The following CYFIP1 variants were observed in gnomAD, a reference collection of about 807,000 sequenced individuals.
CYFIP1 encodes cytoplasmic FMR1 interacting protein 1.
In CYFIP1, 58 loss-of-function variants were observed where a neutral mutation model predicts 163.5. The observed-to-expected ratio is 0.35, with a 90% CI of 0.29 to 0.44. The LOEUF (loss-of-function observed/expected upper bound fraction) is 0.44, where lower values mean the gene tolerates loss of function less well. Among genes scored for constraint, CYFIP1 ranks in the 20% least tolerant of loss-of-function variants. CYFIP1 has a pLI of 1.00. For synonymous variants in CYFIP1, 663 were observed against 660.7 expected (o/e 1.00, Z -0.05); for missense variants, 1,338 against 1,653.8 (o/e 0.81, Z 3.31).
At position 22,869,967 on chromosome 15, in the gene CYFIP1, A is replaced by G; in HGVS notation, c.*61T>C. ...CTGAAAAATAGTCCCTAAAAATCTC[A>G]CTAAATAGTTTACGGAGAGAAAGGC... On this transcript the variant is annotated 3_prime_UTR_variant, in exon 31 of 31. Transcript: ENST00000617928. 1 of 1,457,476 alleles carries G rather than the reference A, an allele frequency of 6.9e-7. No homozygotes were observed. Among genetic ancestry groups the G allele is most frequent in the Non-Finnish European group, 9.1e-7 (1 of 1,098,614 alleles). The allele number at this position is 1,457,476 out of a possible 1,614,324, so 90.3% of individuals were successfully genotyped here. A position where few individuals can be genotyped will look rare whatever the true frequency, so the allele number is the denominator to read the frequency against.
intron 3 of CYFIP1, chr15:22,946,649 AG>A: frequency 5.3e-6 from 2 of 374,882 alleles, no homozygotes; most frequent in Non-Finnish European, 1.0e-5. Flanking sequence ...TCAAAAAAAA[AG>A]CAGAACTATA....
intron 1 of CYFIP1, among the ~76,000 whole-genome samples, chr15:22,950,033 A>G (rs1220793496): frequency 6.6e-6 from 1 of 152,232 alleles, no homozygotes; most frequent in Non-Finnish European, 1.5e-5. Context: ...CATATAATTT[A>G]GAATAAATTA....
At chr15:22,909,389 A>T in intron 20 of CYFIP1, 76 bp from the exon 21 acceptor site, 1 of 1,571,870 alleles carries the variant, frequency 6.4e-7, no homozygotes, top group Non-Finnish European at 8.7e-7. Flanking sequence ...CTCACCAGAG[A>T]CCCTGGAGAA....
rs537453841 is a variant in CYFIP1, at chr15:22,954,205, G to A, written c.-6-6914C>T. ...AGGCACAGAGGGAAGACCACGAGAGGACACAGAGAGAAGGTGGCCATTCAC... is the reference window on the plus strand; with the variant it reads ...AGGCACAGAGGGAAGACCACGAGAGAACACAGAGAGAAGGTGGCCATTCAC... On this transcript the variant is annotated intron_variant, in intron 1 of 30. Coordinates refer to ENST00000617928, the MANE Select transcript of CYFIP1 (RefSeq NM_014608.6). Among the ~76,000 whole-genome samples the A allele has an allele frequency of 1.6e-4, 24 of 152,244 alleles. No individual in the cohort carries two copies. The South Asian group carries it at 4.6e-3, about 29-fold the overall frequency.
intron 1 of CYFIP1, among the ~76,000 whole-genome samples, chr15:22,955,762 C>A (rs2062426474): frequency 6.6e-6 from 1 of 152,182 alleles, no homozygotes; most frequent in Admixed American, 6.5e-5. Flanking sequence ...TCAGCCAGTG[C>A]CTCCCCATGC....
rs764718836 is a variant in CYFIP1 at position 22,917,195 on chromosome 15, C to T, written c.1675-565G>A. On this transcript the variant is annotated intron_variant, in intron 15 of 30. Transcript: ENST00000617928. This position sits in a 1 kb window ranked among gnomAD's most constrained non-coding sequence, Gnocchi z 4.2. ...CCTGACCCTCCTGCAGAGCCAGCAG[C>T]GTGCATTGCTGGTGACTTTCCAGAA... is the stretch of plus-strand genomic sequence containing the variant. 4.9e-6 allele frequency: 7 copies of T among 1,420,960 alleles called. No homozygotes were observed. In the Admixed American group the frequency reaches 1.5e-4, roughly 31 times the overall value. The allele number at this position is 1,420,960 out of a possible 1,614,324, so 88.0% of individuals were successfully genotyped here. A position where few individuals can be genotyped will look rare whatever the true frequency, so the allele number is the denominator to read the frequency against.
chr15:22,891,015 C>T (rs1467006981), intron 23 of CYFIP1, among the ~76,000 whole-genome samples: 1 of 152,112 alleles, frequency 6.6e-6, no homozygotes, highest in African/African-American at 2.4e-5. Flanking sequence ...CACCTTTAAC[C>T]TTGTCTTTGT....
chr15:22,875,813 C>T (rs1480444818), intron 26 of CYFIP1, among the ~76,000 whole-genome samples: 1 of 149,132 alleles, frequency 6.7e-6, no homozygotes, highest in Non-Finnish European at 1.5e-5. Context: ...GCCATCATGC[C>T]GAACTGCTCT....
At chr15:22,922,410 G>A (rs1309980718) in intron 13 of CYFIP1, among the ~76,000 whole-genome samples, 4 of 152,226 alleles carry the variant, frequency 2.6e-5, no homozygotes, top group East Asian at 1.9e-4. Flanking sequence ...AAATAAGCAC[G>A]TCCCGTGCAA....
intron 26 of CYFIP1, among the ~76,000 whole-genome samples, chr15:22,877,386 TAA>T (rs2059616385): frequency 6.6e-6 from 1 of 152,128 alleles, no homozygotes; most frequent in African/African-American, 2.4e-5. Flanking sequence ...CTTTTCTTTA[TAA>T]ATTACTCAGT....
chr15:22,913,598 A>G (rs1595583890), intron 17 of CYFIP1, among the ~76,000 whole-genome samples: 1 of 135,046 alleles, frequency 7.4e-6, no homozygotes, highest in Admixed American at 8.5e-5. Context: ...AAGTACATAG[A>G]CAGCATTAAA....
intron 8 of CYFIP1, among the ~76,000 whole-genome samples, chr15:22,938,610 T>TA (rs530408354): frequency 2.3e-4 from 34 of 145,780 alleles, no homozygotes; most frequent in East Asian, 1.2e-3. Context: ...GTCTCAAAAA[T>TA]AAAAAAAAAA....
chr15:22,957,573 T>C (rs948775936), intron 1 of CYFIP1, among the ~76,000 whole-genome samples: 4 of 152,170 alleles, frequency 2.6e-5, no homozygotes, highest in South Asian at 4.1e-4. Flanking sequence ...GAGGCGGAGC[T>C]TGCAGTGAGC....
At chr15:22,889,579 C>T (rs1208660456) in intron 23 of CYFIP1, among the ~76,000 whole-genome samples, 1 of 152,158 alleles carries the variant, frequency 6.6e-6, no homozygotes, top group Non-Finnish European at 1.5e-5. Flanking sequence ...TTCCAGGACT[C>T]GATCCATCAG....
chr15:22,887,509 T>C (rs1355696135), intron 23 of CYFIP1, among the ~76,000 whole-genome samples: 4 of 152,216 alleles, frequency 2.6e-5, no homozygotes, highest in Non-Finnish European at 5.9e-5. Flanking sequence ...TGAAATCTAA[T>C]GACCTCATGT....
chr15:22,913,071 C>A (rs1455276421), intron 17 of CYFIP1, among the ~76,000 whole-genome samples: 1 of 152,082 alleles, frequency 6.6e-6, no homozygotes, highest in African/African-American at 2.4e-5. Context: ...TGGCGCATGC[C>A]TGTAGTCCCA....
At chr15:22,916,885 C>T in intron 15 of CYFIP1, 4 of 1,551,880 alleles carry the variant, frequency 2.6e-6, no homozygotes, top group Non-Finnish European at 3.5e-6. Flanking sequence ...GTCTTACCAC[C>T]AAAGGTTAAA....
chr15:22,953,380 G>A (rs1158287717), intron 1 of CYFIP1, among the ~76,000 whole-genome samples: 1 of 152,114 alleles, frequency 6.6e-6, no homozygotes, highest in African/African-American at 2.4e-5. Flanking sequence ...TGCCACCAGC[G>A]GACCCTGCAC....
chr15:22,939,163 G>A (rs371585952), intron 8 of CYFIP1, 29 bp downstream of exon 8: 2 of 1,613,518 alleles, frequency 1.2e-6, no homozygotes, highest in Non-Finnish European at 8.5e-7. Context: ...CCTCGGCAGT[G>A]CCACGGGCTA....
Sources: allele counts gnomAD v4.1 joint callset (sites outside exome capture counted in the v4.1 genomes callset), GRCh38; gene constraint gnomAD v4.1.1; non-coding constraint Gnocchi (gnomAD v3.1); transcripts MANE v1.5; gene names NCBI Gene and HGNC (gene_info 2026-07-23, HGNC 2026-07-21).